Variants in SPP2 observed in about 807,000 individuals in gnomAD.
SPP2 encodes secreted phosphoprotein 2, also known as secreted phosphoprotein 24.
A neutral mutation model predicts 28.8 loss-of-function variants in SPP2; 34 were observed. The ratio of observed to expected loss-of-function variants is 1.18; its 90% CI spans 0.90 to 1.57. The LOEUF is 1.57. Among genes scored for constraint, SPP2 ranks in the 40% most tolerant of loss-of-function variants. SPP2 has a pLI of 0.00. For synonymous variants in SPP2, 96 were observed against 89.4 expected, an observed-to-expected ratio of 1.07 and a Z score of -0.42; for missense variants, 269 against 263.9, an observed-to-expected ratio of 1.02 and a Z score of -0.13.
At chr2:234,054,007 G>A (rs2267903) in intron 2 of SPP2, among the ~76,000 whole-genome samples, 47,975 of 152,082 alleles carry the variant, frequency 0.32, 8,060 homozygotes, top group South Asian at 0.48. Flanking sequence ...GGAGAGTACC[G>A]TAGAGGAGGG....
chr2:234,073,824 G>C (rs939478407), intron 7 of SPP2, among the ~76,000 whole-genome samples: 2 of 152,146 alleles, frequency 1.3e-5, no homozygotes, highest in Non-Finnish European at 2.9e-5. Flanking sequence ...GCAGCAAAGG[G>C]GGCAGTTCTT....
At chr2:234,053,159 A>G (rs1268645740) in intron 2 of SPP2, among the ~76,000 whole-genome samples, 1 of 139,676 alleles carries the variant, frequency 7.2e-6, no homozygotes, top group Non-Finnish European at 1.5e-5. Context: ...TAACAAGGTA[A>G]AAGAATAACG....
intron 4 of SPP2, among the ~76,000 whole-genome samples, chr2:234,064,056 A>G (rs966503947): frequency 6.6e-6 from 1 of 152,138 alleles, no homozygotes; most frequent in African/African-American, 2.4e-5. Context: ...CTCGACTTAG[A>G]GTCCTTCAGT....
At chr2:234,053,277 G>T (rs1559170251) in intron 2 of SPP2, among the ~76,000 whole-genome samples, 1 of 152,138 alleles carries the variant, frequency 6.6e-6, no homozygotes, top group Non-Finnish European at 1.5e-5. Flanking sequence ...CATGTTAAAC[G>T]TTAAATTAGT....
chr2:234,062,007 A>G (rs534654220), intron 4 of SPP2, among the ~76,000 whole-genome samples: 1 of 152,276 alleles, frequency 6.6e-6, no homozygotes, highest in South Asian at 2.1e-4. Context: ...ACACTCATAC[A>G]CTGTGGCCCC....
chr2:234,059,388 C>G (rs746571063), intron 3 of SPP2, among the ~76,000 whole-genome samples: 1 of 152,170 alleles, frequency 6.6e-6, no homozygotes, highest in African/African-American at 2.4e-5. Flanking sequence ...TCAGTGAGAT[C>G]AGGAACATGG....
intron 7 of SPP2, among the ~76,000 whole-genome samples, chr2:234,075,849 C>G (rs1353850499): frequency 6.6e-6 from 1 of 152,178 alleles, no homozygotes; most frequent in African/African-American, 2.4e-5. Flanking sequence ...ACTCACTCTT[C>G]CCCCTGTCTC....
At chr2:234,071,561 C>T (rs1268710982) in intron 7 of SPP2, among the ~76,000 whole-genome samples, 1 of 152,176 alleles carries the variant, frequency 6.6e-6, no homozygotes, top group Non-Finnish European at 1.5e-5. Context: ...GATGTCGATT[C>T]CATGCATAGG....
intron 3 of SPP2, among the ~76,000 whole-genome samples, chr2:234,059,933 T>A (rs1049036467): frequency 6.6e-6 from 1 of 152,196 alleles, no homozygotes; most frequent in Non-Finnish European, 1.5e-5. Context: ...AAGAGGATGT[T>A]TGATTTGTTA....
rs371778962 is a variant in SPP2 at position 234,058,854 on chromosome 2, A to T, written c.229A>T (p.Asn77Tyr). ...TGTGAAGGTTGAGGTCCTAGATGAG[A>T]ACAACTTGGTCATGAATTTAGAGTT... ...SLKRVEVLDE[N>Y]NLVMNLEFSI... The change falls in exon 3 of 8, where the codon AAC becomes TAC. Residue 77 changes from asparagine to tyrosine, a missense_variant. Coordinates refer to ENST00000168148, the MANE Select transcript of SPP2 (RefSeq NM_006944.3). The T allele has an allele frequency of 2.5e-6, 4 of 1,613,820 alleles. No individual in the cohort carries two copies. In the African/African-American group the frequency reaches 5.3e-5, roughly 22 times the overall value.
chr2:234,064,394 C>G (rs1396132340), intron 4 of SPP2, among the ~76,000 whole-genome samples: 1 of 152,198 alleles, frequency 6.6e-6, no homozygotes, highest in African/African-American at 2.4e-5. Context: ...AGGCATTTCT[C>G]TCTGCTGCCA....
At chr2:234,058,679 G>C (rs1461327913) in intron 2 of SPP2, among the ~76,000 whole-genome samples, 157 bp from the exon 3 acceptor site, 1 of 152,188 alleles carries the variant, frequency 6.6e-6, no homozygotes, top group Non-Finnish European at 1.5e-5. Context: ...CTGGTCTGCA[G>C]AAGAAAGGCA....
At chr2:234,072,500 A>C (rs1260886588) in intron 7 of SPP2, among the ~76,000 whole-genome samples, 1 of 152,138 alleles carries the variant, frequency 6.6e-6, no homozygotes, top group East Asian at 1.9e-4. Flanking sequence ...TTGGATGTGT[A>C]TACATATGTG....
At chr2:234,066,643 A>G (rs1236691714) in intron 5 of SPP2, 56 bp downstream of exon 5, 3 of 1,322,966 alleles carry the variant, frequency 2.3e-6, no homozygotes, top group Non-Finnish European at 3.2e-6. Context: ...CCATATTGCA[A>G]CTCTTTGTTA....
intron 2 of SPP2, among the ~76,000 whole-genome samples, chr2:234,054,276 G>A (rs1277587155): frequency 6.6e-6 from 1 of 152,220 alleles, no homozygotes; most frequent in Non-Finnish European, 1.5e-5. Flanking sequence ...TCAGAGAGGT[G>A]GGCATGAGTG....
intron 4 of SPP2, 36 bp from the exon 5 acceptor site, chr2:234,066,497 A>T: frequency 6.4e-7 from 1 of 1,574,616 alleles, no homozygotes; most frequent in South Asian, 1.1e-5. Flanking sequence ...TCTTTCTTTC[A>T]TGTGCTGACA....
chr2:234,055,658 T>A (rs529460256), intron 2 of SPP2, among the ~76,000 whole-genome samples: 1 of 152,128 alleles, frequency 6.6e-6, no homozygotes, highest in South Asian at 2.1e-4. Context: ...AAATGAAAAA[T>A]AACATTCATT....
intron 3 of SPP2, among the ~76,000 whole-genome samples, chr2:234,059,293 A>G (rs778612687): frequency 8.5e-5 from 13 of 152,328 alleles, no homozygotes; most frequent in Middle Eastern, 3.4e-3. Context: ...ACAAAGGATT[A>G]TGAAACACTG....
At chr2:234,069,692 A>T (rs1277844036) in intron 6 of SPP2, among the ~76,000 whole-genome samples, 1 of 152,146 alleles carries the variant, frequency 6.6e-6, no homozygotes, top group Non-Finnish European at 1.5e-5. Flanking sequence ...CATCACATGT[A>T]GTAATAAGGA....
Sources: gnomAD v4.1 joint callset for allele counts (sites outside exome capture counted in the v4.1 genomes callset) on GRCh38, gnomAD v4.1.1 for gene constraint, MANE v1.5 for transcripts, NCBI Gene and HGNC (gene_info 2026-07-23, HGNC 2026-07-21) for gene names.